The following CLASP2 variants were observed in gnomAD, a reference collection of about 807,000 sequenced individuals.
CLASP2 encodes cytoplasmic linker associated protein 2, also known as CLIP-associating protein 2.
In CLASP2, 47 loss-of-function variants were observed where a neutral mutation model predicts 194.4. The observed-to-expected ratio is 0.24, with a 90% CI of 0.19 to 0.31. The LOEUF is 0.31. CLASP2 is among the 10% of genes least tolerant of loss of function. The probability of loss-of-function intolerance (pLI) is 1.00; values close to 1 mark genes in which losing one functional copy is unlikely to be tolerated. For synonymous variants in CLASP2, 619 were observed against 633.5 expected, an observed-to-expected ratio of 0.98 and a Z score of 0.34; for missense variants, 1,445 against 1,823.6, an observed-to-expected ratio of 0.79 and a Z score of 3.78.
chr3:33,599,181 G>C (rs573932434), intron 18 of CLASP2, among the ~76,000 whole-genome samples: 4 of 152,248 alleles, frequency 2.6e-5, no homozygotes, highest in Admixed American at 2.6e-4. Flanking sequence ...CTGAAGTGCA[G>C]TGGTGTGATC....
At chr3:33,528,686 C>G (rs754601820) in intron 34 of CLASP2, among the ~76,000 whole-genome samples, 19 of 151,930 alleles carry the variant, frequency 1.3e-4, no homozygotes, top group Non-Finnish European at 1.9e-4. Context: ...TGCTTGAACC[C>G]AGGAGGCAGA....
At chr3:33,550,482 C>T (rs1051054185) in intron 30 of CLASP2, among the ~76,000 whole-genome samples, 1 of 149,122 alleles carries the variant, frequency 6.7e-6, no homozygotes, top group Non-Finnish European at 1.5e-5. Context: ...TCCAGACAGA[C>T]GTGTGTGCAG....
intron 6 of CLASP2, among the ~76,000 whole-genome samples, chr3:33,674,921 G>A (rs752737401): frequency 1.3e-5 from 2 of 152,136 alleles, no homozygotes; most frequent in Middle Eastern, 3.4e-3. Flanking sequence ...CCAATAACAG[G>A]AGCTGAAATT....
At chr3:33,601,681 T>G (rs1384926012) in intron 18 of CLASP2, among the ~76,000 whole-genome samples, 2 of 152,244 alleles carry the variant, frequency 1.3e-5, no homozygotes, top group Non-Finnish European at 2.9e-5. Flanking sequence ...AGTTGCTTTA[T>G]GTTTTTAATG....
At chr3:33,706,352 A>G (rs768951902) in intron 1 of CLASP2, among the ~76,000 whole-genome samples, 2 of 152,242 alleles carry the variant, frequency 1.3e-5, no homozygotes, top group East Asian at 1.9e-4. Flanking sequence ...TTATTTGAAG[A>G]TATCTTCTTT....
chr3:33,563,938 C>A (rs1471488801), intron 27 of CLASP2: 2 of 456,198 alleles, frequency 4.4e-6, no homozygotes, highest in Non-Finnish European at 8.8e-6. Flanking sequence ...CATCCCCACT[C>A]CATTCATTTA....
chr3:33,644,159 C>G (rs576441734), intron 8 of CLASP2, among the ~76,000 whole-genome samples: 1 of 152,102 alleles, frequency 6.6e-6, no homozygotes, highest in East Asian at 1.9e-4. Flanking sequence ...ATGCTAGAAA[C>G]AGTTCTAATA....
Position 33,573,357 on chromosome 3 carries a change from G to A in CLASP2, c.2455-3C>T. On this transcript the variant is annotated splice_region_variant and splice_polypyrimidine_tract_variant and intron_variant, in intron 24 of 38. Coordinates refer to ENST00000682230, the MANE Select transcript of CLASP2 (RefSeq NM_001365631.1). The stretch of plus-strand genomic sequence containing the variant: ...TATCTTCTTCGAGCTGGTTTTTTCT[G>A]TTATACATCAAGAATCTCATTAGCA... 6.2e-7 allele frequency: 1 copy of A among 1,612,900 alleles called. No individual in the cohort carries two copies. The highest frequency in any genetic ancestry group is 8.5e-7 in the Non-Finnish European group (1 of 1,179,378).
intron 6 of CLASP2, among the ~76,000 whole-genome samples, chr3:33,667,428 AGAC>A (rs1287294233): frequency 6.7e-6 from 1 of 150,090 alleles, no homozygotes; most frequent in Non-Finnish European, 1.5e-5. Context: ...AAAAAAAAAA[AGAC>A]ATTTGATTTG....
At chr3:33,581,564 G>T (rs1036361328) in intron 23 of CLASP2, among the ~76,000 whole-genome samples, 7 of 152,140 alleles carry the variant, frequency 4.6e-5, no homozygotes, top group African/African-American at 1.7e-4. Flanking sequence ...TCAATATTCT[G>T]AAGTTTAAAC....
chr3:33,698,496 A>C (rs929329537), intron 1 of CLASP2, among the ~76,000 whole-genome samples: 2 of 152,200 alleles, frequency 1.3e-5, no homozygotes, highest in East Asian at 3.8e-4. Flanking sequence ...ATAAGAAGCA[A>C]CAGCAGTCTA....
At chr3:33,663,191 T>A in intron 7 of CLASP2, among the ~76,000 whole-genome samples, 2 of 95,310 alleles carry the variant, frequency 2.1e-5, no homozygotes, top group African/African-American at 9.0e-5. Flanking sequence ...AACAAGGCAG[T>A]ATCACCAAAA....
intron 25 of CLASP2, among the ~76,000 whole-genome samples, chr3:33,571,502 G>T (rs1056463482): frequency 2.6e-5 from 4 of 151,718 alleles, no homozygotes; most frequent in Non-Finnish European, 5.9e-5. Context: ...GGTCATGGTG[G>T]CACACGTCTA....
chr3:33,646,274 A>G (rs2082272572), intron 7 of CLASP2, among the ~76,000 whole-genome samples: 1 of 151,904 alleles, frequency 6.6e-6, no homozygotes, highest in African/African-American at 2.4e-5. Context: ...TTTAAGACTT[A>G]TTTATTAAAA....
chr3:33,647,789 C>T (rs2082519277), intron 7 of CLASP2, among the ~76,000 whole-genome samples: 1 of 152,120 alleles, frequency 6.6e-6, no homozygotes, highest in Non-Finnish European at 1.5e-5. Flanking sequence ...AATCCCAGCA[C>T]TTTGGGAGGC....
intron 34 of CLASP2, among the ~76,000 whole-genome samples, chr3:33,518,105 T>C (rs1185700107): frequency 6.6e-6 from 1 of 152,250 alleles, no homozygotes; most frequent in Non-Finnish European, 1.5e-5. Flanking sequence ...ATTCTGATTA[T>C]CCTGAAATAC....
intron 7 of CLASP2, among the ~76,000 whole-genome samples, chr3:33,651,741 C>T (rs2083261293): frequency 6.7e-6 from 1 of 148,266 alleles, no homozygotes; most frequent in Admixed American, 6.9e-5. Flanking sequence ...CTCACTGCAA[C>T]CTCTGCCTCC....
At chr3:33,633,292 T>C (rs1233328381) in intron 8 of CLASP2, among the ~76,000 whole-genome samples, 8 of 152,152 alleles carry the variant, frequency 5.3e-5, no homozygotes, top group Admixed American at 5.2e-4. Context: ...TTTGACAATG[T>C]GACTCTGCAG....
chr3:33,616,638 T>C (rs151330196), intron 12 of CLASP2, among the ~76,000 whole-genome samples: 3 of 149,366 alleles, frequency 2.0e-5, no homozygotes, highest in South Asian at 2.1e-4. Context: ...ACTATATCCA[T>C]AGAAACACAT....
Sources: allele counts gnomAD v4.1 joint callset (sites outside exome capture counted in the v4.1 genomes callset), GRCh38; gene constraint gnomAD v4.1.1; transcripts MANE v1.5; gene names NCBI Gene and HGNC (gene_info 2026-07-23, HGNC 2026-07-21).